Variants in OR52N4 observed in about 807,000 individuals in gnomAD.
OR52N4 encodes olfactory receptor family 52 subfamily N member 4, also known as olfactory receptor 52N4.
OR52N4 carries 15 observed loss-of-function variants against 15.0 expected under a neutral mutation model. The ratio of observed to expected loss-of-function variants is 1.00; its 90% CI spans 0.67 to 1.54. OR52N4 has a LOEUF of 1.54. OR52N4 is among the 40% of genes most tolerant of loss of function. The probability of loss-of-function intolerance (pLI) is 0.00; values close to 1 mark genes in which losing one functional copy is unlikely to be tolerated. For missense variants in OR52N4, 421 were observed against 394.0 expected (o/e 1.07, Z -0.58); for synonymous variants, 143 against 143.7 (o/e 1.00, Z 0.03).
At chr11:5,750,688 AG>A (rs1854172418), upstream of OR52N4, among the ~76,000 whole-genome samples, 1 of 47,916 alleles carries the variant, frequency 2.1e-5, no homozygotes, top group Non-Finnish European at 6.2e-5. Flanking sequence ...AAAATATAAT[AG>A]TGACTACAAA....
rs779051435 is a variant in OR52N4, at chr11:5,754,908, C to T, written c.168C>T (p.Ala56=). ...TCTACCTCATTCACTATGAGGATGC[C>T]CTGCACAAACCCATGTACTACTTCT... ...GLLYLIHYED[A]LHKPMYYFLA... The change falls in exon 2 of 2, where the codon GCC becomes GCT. Residue 56 remains alanine (A), a synonymous_variant. Transcript: ENST00000641350. The T allele has an allele frequency of 5.6e-6, 9 of 1,613,568 alleles. No homozygotes were observed. The Admixed American group carries it at 8.3e-5, about 15-fold the overall frequency.
the OR52N4 span, among the ~76,000 whole-genome samples, chr11:5,728,984 C>T: frequency 1.3e-5 from 2 of 152,014 alleles, no homozygotes; most frequent in South Asian, 2.1e-4. Flanking sequence ...TGGTGTGCTG[C>T]ACCCATTAAC....
chr11:5,733,639 C>T, the OR52N4 span, among the ~76,000 whole-genome samples: 1 of 152,096 alleles, frequency 6.6e-6, no homozygotes, highest in African/African-American at 2.4e-5. Flanking sequence ...TTCTCTCCCC[C>T]CACCTCAACT....
chr11:5,754,659 C>A, intron 1 of OR52N4, 34 bp from the exon 2 acceptor site: 5 of 1,394,858 alleles, frequency 3.6e-6, no homozygotes, highest in Middle Eastern at 2.0e-4. Flanking sequence ...TAAAAATAAC[C>A]TATATTTTCT....
At chr11:5,739,482 A>G in the OR52N4 span, among the ~76,000 whole-genome samples, 2 of 117,214 alleles carry the variant, frequency 1.7e-5, 1 homozygote, top group Non-Finnish European at 3.6e-5. Context: ...GGACTGCCTG[A>G]TCCCAGGAAT....
At chr11:5,736,662 C>T in the OR52N4 span, 15 of 1,614,004 alleles carry the variant, frequency 9.3e-6, no homozygotes, top group Admixed American at 2.0e-4. Flanking sequence ...TCAGCACTTG[C>T]TGCAAACACC....
the OR52N4 span, among the ~76,000 whole-genome samples, chr11:5,742,371 G>A: frequency 1.4e-5 from 2 of 146,338 alleles, no homozygotes; most frequent in Admixed American, 1.3e-4. Context: ...GAAACTCAGA[G>A]AACACCTGAA....
chr11:5,754,712 G>T lies in OR52N4; in HGVS notation c.-29G>T. The T allele has an allele frequency of 2.6e-6, 4 of 1,539,592 alleles. No homozygotes were observed. In the South Asian group the frequency reaches 3.8e-5, roughly 15 times the overall value. On this transcript the variant is annotated 5_prime_UTR_variant, in exon 2 of 2. Coordinates refer to ENST00000641350, the MANE Select transcript of OR52N4 (RefSeq NM_001005175.5). ...CTCTAGGAAAGCCCAGACAAATTTTGAGCTATTTCATAACCTACCAGACTT... is the reference window on the plus strand; with the variant it reads ...CTCTAGGAAAGCCCAGACAAATTTTTAGCTATTTCATAACCTACCAGACTT...
chr11:5,742,398 G>A, the OR52N4 span, among the ~76,000 whole-genome samples: 3 of 152,054 alleles, frequency 2.0e-5, no homozygotes, highest in South Asian at 6.2e-4. Context: ...TTTGCAAGAT[G>A]AACATCACCA....
At chr11:5,735,538 G>A in the OR52N4 span, among the ~76,000 whole-genome samples, 1 of 151,990 alleles carries the variant, frequency 6.6e-6, no homozygotes, top group African/African-American at 2.4e-5. Context: ...CAGGCAGGTT[G>A]CAGAAAGCAT....
At chr11:5,752,649 A>C (rs1468522398), upstream of OR52N4, among the ~76,000 whole-genome samples, 1 of 152,194 alleles carries the variant, frequency 6.6e-6, no homozygotes, top group Non-Finnish European at 1.5e-5. Flanking sequence ...TTTTGTTATT[A>C]TAAATTCTAA....
chr11:5,743,388 T>C, the OR52N4 span, among the ~76,000 whole-genome samples: 1 of 152,190 alleles, frequency 6.6e-6, no homozygotes, highest in East Asian at 1.9e-4. Context: ...GATTAAATGC[T>C]AAACAGACAT....
At chr11:5,736,041 C>A in the OR52N4 span, 1 of 160,964 alleles carries the variant, frequency 6.2e-6, no homozygotes, top group Admixed American at 5.8e-5. Flanking sequence ...GGTATGTCTT[C>A]ATTATATGAC....
At chr11:5,750,433 T>C (rs1458871472), upstream of OR52N4, among the ~76,000 whole-genome samples, 1 of 128,798 alleles carries the variant, frequency 7.8e-6, no homozygotes, top group Non-Finnish European at 1.8e-5. Flanking sequence ...CCTGAGCTGC[T>C]ATTTACAAAG....
At chr11:5,729,415 C>T in the OR52N4 span, among the ~76,000 whole-genome samples, 421 of 152,172 alleles carry the variant, frequency 2.8e-3, no homozygotes, top group African/African-American at 9.4e-3. Context: ...CCACCGTGCC[C>T]GGCCGAGATA....
chr11:5,729,905 C>T, the OR52N4 span, among the ~76,000 whole-genome samples: 51,467 of 151,824 alleles, frequency 0.34, 9,748 homozygotes, highest in East Asian at 0.54. Context: ...TTTCTTTTTC[C>T]TCTCAAGAAA....
At chr11:5,747,869 G>A in the OR52N4 span, among the ~76,000 whole-genome samples, 2 of 152,010 alleles carry the variant, frequency 1.3e-5, no homozygotes, top group Non-Finnish European at 2.9e-5. Flanking sequence ...TACTAAGGTA[G>A]CATAGTTAAA....
At chr11:5,729,273 A>T in the OR52N4 span, among the ~76,000 whole-genome samples, 2 of 151,372 alleles carry the variant, frequency 1.3e-5, no homozygotes, top group East Asian at 3.9e-4. Context: ...GCACCCGCCA[A>T]CACACCCGGC....
At chr11:5,728,956 T>A in the OR52N4 span, among the ~76,000 whole-genome samples, 4 of 152,076 alleles carry the variant, frequency 2.6e-5, no homozygotes, top group Non-Finnish European at 4.4e-5. Flanking sequence ...TTGTTACATA[T>A]GTATACATGA....
Sources: gnomAD v4.1 joint callset for allele counts (sites outside exome capture counted in the v4.1 genomes callset) on GRCh38, gnomAD v4.1.1 for gene constraint, MANE v1.5 for transcripts, NCBI Gene and HGNC (gene_info 2026-07-23, HGNC 2026-07-21) for gene names.